Variants in VRK3 observed in about 807,000 individuals in gnomAD.
VRK3 encodes the protein VRK serine/threonine kinase 3.
VRK3 carries 50 observed loss-of-function variants against 60.4 expected under a neutral mutation model. The observed-to-expected ratio is 0.83, with a 90% confidence interval of 0.66 to 1.05. The LOEUF is 1.05. Among genes scored for constraint, VRK3 ranks in the 50% least tolerant of loss-of-function variants. The pLI is 0.00. For missense variants in VRK3, 549 were observed against 585.3 expected (o/e 0.94, Z 0.64); for synonymous variants, 246 against 227.8 (o/e 1.08, Z -0.72).
intron 12 of VRK3, 179 bp from the exon 13 acceptor site, chr19:49,981,192 T>A: frequency 1.6e-6 from 1 of 636,068 alleles, no homozygotes; most frequent in Non-Finnish European, 2.8e-6. Context: ...CTACCATTGC[T>A]CCCAAGGGAA....
At chr19:49,993,350 TCTCCAG>T (rs1239649737) in intron 9 of VRK3, among the ~76,000 whole-genome samples, 2 of 152,218 alleles carry the variant, frequency 1.3e-5, no homozygotes, top group South Asian at 2.1e-4. Context: ...TATATCTTGA[TCTCCAG>T]CTCCAGCTGT....
At chr19:50,006,215 C>A (rs1440602086) in intron 5 of VRK3, among the ~76,000 whole-genome samples, 1 of 151,350 alleles carries the variant, frequency 6.6e-6, no homozygotes, top group Non-Finnish European at 1.5e-5. Context: ...GAGGCTGAGG[C>A]AGGAGAATCG....
At chr19:49,985,171 T>C (rs566353520) in intron 12 of VRK3, among the ~76,000 whole-genome samples, 26 of 152,262 alleles carry the variant, frequency 1.7e-4, no homozygotes, top group Non-Finnish European at 3.1e-4. Context: ...TACCTTCACT[T>C]ACACAGGGAC....
chr19:49,993,032 C>T, intron 9 of VRK3, 80 bp from the exon 10 acceptor site: 1 of 1,314,408 alleles, frequency 7.6e-7, no homozygotes, highest in Non-Finnish European at 1.1e-6. Context: ...AGGAGGGAGC[C>T]CCACTATTAA....
chr19:49,989,872 T>C lies in VRK3; in HGVS notation c.964-101A>G, dbSNP rs952290732. 7 of 1,378,820 alleles carry C rather than the reference T, an allele frequency of 5.1e-6. No homozygotes were observed. The African/African-American group carries it at 1.0e-4, about 20-fold the overall frequency. 85.4% of individuals were successfully genotyped at this position (1,378,820 alleles called of 1,614,324 possible). A position where few individuals can be genotyped will look rare whatever the true frequency, so the allele number is the denominator to read the frequency against. The stretch of plus-strand genomic sequence containing the variant: ...GTGACAACAAACATTCTACCAAAGA[T>C]GGCATTTTTCACTTACAAAACTAAG... On this transcript the variant is annotated intron_variant, in intron 10 of 14. Coordinates refer to ENST00000316763, the MANE Select transcript of VRK3 (RefSeq NM_016440.4).
At chr19:50,009,213 G>T (rs1216335585) in intron 4 of VRK3, 23 bp downstream of exon 4, 6 of 1,610,400 alleles carry the variant, frequency 3.7e-6, no homozygotes, top group Non-Finnish European at 5.1e-6. Flanking sequence ...TAAGAGTCAG[G>T]CCAGATAGAC....
At chr19:50,015,178 G>C (rs931821405) in intron 3 of VRK3, among the ~76,000 whole-genome samples, 2 of 152,134 alleles carry the variant, frequency 1.3e-5, no homozygotes, top group Non-Finnish European at 2.9e-5. Flanking sequence ...TTCAGACTAA[G>C]ATGTGACCAG....
chr19:49,979,121 G>A lies in VRK3; in HGVS notation c.1398C>T (p.Asp466=). Residue 466 remains aspartate (D), a synonymous_variant, in exon 14 of 15, where the codon GAC becomes GAT. Transcript: ENST00000316763. ...AGGGCACCATCGGGAGGCCAATGGG[G>A]TCATATGGAGACACACGCAGATCCT... ...LLQDLRVSPY[D]PIGLPMVP 2.5e-6 allele frequency: 4 copies of A among 1,613,546 alleles called. No homozygotes were observed. In the South Asian group the frequency reaches 4.4e-5, roughly 18 times the overall value.
chr19:49,988,190 C>T (rs1008003847), intron 12 of VRK3, 182 bp downstream of exon 12: 37 of 895,890 alleles, frequency 4.1e-5, no homozygotes, highest in Admixed American at 3.2e-4. Context: ...AGTGTGGCTC[C>T]GGAACACCTG....
chr19:49,988,290 TC>T, intron 12 of VRK3, 81 bp downstream of exon 12: 1 of 1,537,694 alleles, frequency 6.5e-7, no homozygotes, highest in South Asian at 1.2e-5. Flanking sequence ...TCCCTCCTGC[TC>T]CCAGTTGGGC....
At chr19:50,010,936 C>CA (rs1207879886) in intron 3 of VRK3, among the ~76,000 whole-genome samples, 2 of 145,542 alleles carry the variant, frequency 1.4e-5, no homozygotes, top group Non-Finnish European at 3.0e-5. Context: ...AAACAAAAAA[C>CA]AAAAAACAAA....
chr19:49,989,745 G>A lies in VRK3; in HGVS notation c.990C>T (p.Ala330=), dbSNP rs766491151. The A allele has an allele frequency of 5.6e-6, 9 of 1,612,614 alleles. No individual in the cohort carries two copies. In the Admixed American group the frequency reaches 1.3e-4, roughly 24 times the overall value. Residue 330 remains alanine, a synonymous_variant, in exon 11 of 15, where the codon GCC becomes GCT. Coordinates refer to ENST00000316763, the MANE Select transcript of VRK3 (RefSeq NM_016440.4). ...GTTTGCCACTTGGGCAATAGCGGAA[G>A]GCGAAGCCATAGCCTGCCAAAGTCA... ...SQVTLAGYGF[A]FRYCPSGKHV... is the part of the protein sequence containing the mutation.
At chr19:50,023,069 G>C (rs2077196844) in intron 1 of VRK3, among the ~76,000 whole-genome samples, 1 of 152,156 alleles carries the variant, frequency 6.6e-6, no homozygotes, top group Non-Finnish European at 1.5e-5. Context: ...TCTCCCATCT[G>C]CCTGGAACGC....
At chr19:49,999,301 G>C (rs868019557) in intron 6 of VRK3, 1 of 152,162 alleles carries the variant, frequency 6.6e-6, no homozygotes, top group Non-Finnish European at 1.5e-5. Flanking sequence ...TCCTCCCCAC[G>C]ATGCTGGCGA....
intron 3 of VRK3, among the ~76,000 whole-genome samples, chr19:50,010,972 G>A (rs1326173021): frequency 6.6e-6 from 1 of 151,824 alleles, no homozygotes; most frequent in African/African-American, 2.4e-5. Context: ...TCTCAAAGAA[G>A]ACATTCCTCC....
intron 12 of VRK3, 152 bp downstream of exon 12, chr19:49,988,220 A>G: frequency 8.3e-7 from 1 of 1,208,234 alleles, no homozygotes; most frequent in East Asian, 2.8e-5. Context: ...CTGTGTGGAC[A>G]CTGCAGCACA....
chr19:50,004,330 T>G (rs547721788), intron 5 of VRK3, among the ~76,000 whole-genome samples: 34 of 151,962 alleles, frequency 2.2e-4, no homozygotes, highest in Admixed American at 7.9e-4. Flanking sequence ...TCTTTCTTAC[T>G]GTTGGTTTTC....
chr19:50,010,238 T>C (rs2076972989), intron 3 of VRK3, among the ~76,000 whole-genome samples: 1 of 152,212 alleles, frequency 6.6e-6, no homozygotes, highest in South Asian at 2.1e-4. Context: ...CATTATACTT[T>C]CAATTTGTTA....
chr19:49,982,199 A>G, intron 12 of VRK3: 1 of 702,934 alleles, frequency 1.4e-6, no homozygotes, highest in Non-Finnish European at 2.6e-6. Flanking sequence ...CTGAAATGAT[A>G]AGAATTCCCC....
Sources: gnomAD v4.1 joint callset for allele counts (sites outside exome capture counted in the v4.1 genomes callset) on GRCh38, gnomAD v4.1.1 for gene constraint, MANE v1.5 for transcripts, NCBI Gene and HGNC (gene_info 2026-07-23, HGNC 2026-07-21) for gene names.